The following ROR2 variants were observed in gnomAD, a reference collection of about 807,000 sequenced individuals.
ROR2 encodes the protein tyrosine-protein kinase transmembrane receptor ROR2.
Under a neutral mutation model 74.9 loss-of-function variants are expected in ROR2, and 33 were observed. That is an observed-to-expected ratio of 0.44 (90% CI 0.33 to 0.59). The LOEUF (loss-of-function observed/expected upper bound fraction) is 0.59. ROR2 is among the 20% of genes least tolerant of loss of function. The probability of loss-of-function intolerance (pLI) is 0.02; values close to 1 mark genes in which losing one functional copy is unlikely to be tolerated. For synonymous variants in ROR2, 586 were observed against 558.7 expected, an observed-to-expected ratio of 1.05 and a Z score of -0.69; for missense variants, 1,216 against 1,313.8, an observed-to-expected ratio of 0.93 and a Z score of 1.15.
chr9:91,774,112 TA>T (rs1289158585), intron 2 of ROR2, among the ~76,000 whole-genome samples: 1 of 152,218 alleles, frequency 6.6e-6, no homozygotes, highest in Non-Finnish European at 1.5e-5. Flanking sequence ...GTTGAGAATC[TA>T]ACCAACAAAA....
intron 5 of ROR2, among the ~76,000 whole-genome samples, chr9:91,736,263 C>G (rs1463038306): frequency 6.6e-6 from 1 of 152,154 alleles, no homozygotes; most frequent in Non-Finnish European, 1.5e-5. Flanking sequence ...GTCTCTGTAC[C>G]AGCACATGGG....
intron 1 of ROR2, among the ~76,000 whole-genome samples, chr9:91,777,364 C>T (rs1171803949): frequency 1.3e-5 from 2 of 150,608 alleles, no homozygotes; most frequent in African/African-American, 4.9e-5. Flanking sequence ...ATAAACAAAA[C>T]ATGGAAATAA....
intron 1 of ROR2, among the ~76,000 whole-genome samples, chr9:91,858,510 A>G (rs1829370736): frequency 6.6e-6 from 1 of 152,202 alleles, no homozygotes; most frequent in African/African-American, 2.4e-5. Context: ...GTCCTTAGAA[A>G]GGCAGAATCT....
At chr9:91,746,060 T>A (rs1019810970) in intron 4 of ROR2, among the ~76,000 whole-genome samples, 1 of 151,870 alleles carries the variant, frequency 6.6e-6, no homozygotes, top group Non-Finnish European at 1.5e-5. Context: ...GTGGCTTGGT[T>A]TTTTTGTTTG....
At chr9:91,921,965 A>AG (rs1831277756) in intron 1 of ROR2, among the ~76,000 whole-genome samples, 2 of 147,732 alleles carry the variant, frequency 1.4e-5, no homozygotes, top group African/African-American at 5.0e-5. Flanking sequence ...AAAAAAAAAA[A>AG]TACACAACTG....
At chr9:91,948,264 A>C (rs967012063) in intron 1 of ROR2, among the ~76,000 whole-genome samples, 37 of 152,184 alleles carry the variant, frequency 2.4e-4, no homozygotes, top group Middle Eastern at 3.2e-3. Context: ...TTTGTAGGAC[A>C]ATTAACCGCA....
At chr9:91,817,056 G>A (rs1427145316) in intron 1 of ROR2, among the ~76,000 whole-genome samples, 7 of 152,186 alleles carry the variant, frequency 4.6e-5, no homozygotes, top group African/African-American at 9.7e-5. Flanking sequence ...GAGACCCATG[G>A]GCTGTGGCTC....
chr9:91,745,192 C>G (rs1276345416), intron 4 of ROR2, among the ~76,000 whole-genome samples: 1 of 151,906 alleles, frequency 6.6e-6, no homozygotes, highest in Admixed American at 6.6e-5. Flanking sequence ...GTGGCGCGAT[C>G]TCGGCTCACT....
chr9:91,793,489 G>A (rs1362635746), intron 1 of ROR2, among the ~76,000 whole-genome samples: 1 of 152,024 alleles, frequency 6.6e-6, no homozygotes, highest in Non-Finnish European at 1.5e-5. Context: ...TCATTAATGA[G>A]AAAAAAGACT....
At chr9:91,760,645 A>G (rs1825888132) in intron 2 of ROR2, among the ~76,000 whole-genome samples, 3 of 151,902 alleles carry the variant, frequency 2.0e-5, no homozygotes, top group Non-Finnish European at 4.4e-5. Context: ...AAAAAAAAAA[A>G]AAAGAAAAGA....
intron 1 of ROR2, among the ~76,000 whole-genome samples, chr9:91,805,843 C>T (rs1365628898): frequency 2.6e-5 from 4 of 152,180 alleles, no homozygotes; most frequent in Non-Finnish European, 5.9e-5. Flanking sequence ...CACTGCCCTC[C>T]CCATGAGGGT....
At chr9:91,844,153 G>C (rs1828859575) in intron 1 of ROR2, among the ~76,000 whole-genome samples, 1 of 152,228 alleles carries the variant, frequency 6.6e-6, no homozygotes, top group African/African-American at 2.4e-5. Context: ...TCCTATTTCA[G>C]GGTGGAGGAA....
chr9:91,878,641 G>A (rs1001613824), intron 1 of ROR2, among the ~76,000 whole-genome samples: 1 of 152,244 alleles, frequency 6.6e-6, no homozygotes, highest in African/African-American at 2.4e-5. Context: ...CTTGGAGGCT[G>A]AAGCCAAACC....
At chr9:91,948,101 C>T (rs74699976) in intron 1 of ROR2, among the ~76,000 whole-genome samples, 1 of 152,108 alleles carries the variant, frequency 6.6e-6, no homozygotes, top group African/African-American at 2.4e-5. Flanking sequence ...GTTTAAATTC[C>T]TTCACCCAAA....
At chr9:91,848,750 G>A (rs915741852) in intron 1 of ROR2, among the ~76,000 whole-genome samples, 13 of 137,194 alleles carry the variant, frequency 9.5e-5, no homozygotes, top group South Asian at 2.4e-4. Context: ...GTGAGACTCC[G>A]TCTCAGGGGG....
intron 1 of ROR2, among the ~76,000 whole-genome samples, chr9:91,918,553 G>A (rs1401052235): frequency 2.6e-5 from 4 of 152,154 alleles, no homozygotes; most frequent in Non-Finnish European, 4.4e-5. Flanking sequence ...AGGTTGAAAC[G>A]GGCTTAAAGA....
chr9:91,902,155 G>A (rs1830692209), intron 1 of ROR2, among the ~76,000 whole-genome samples: 1 of 152,162 alleles, frequency 6.6e-6, no homozygotes, highest in African/African-American at 2.4e-5. Flanking sequence ...CATCTAAGTA[G>A]TCAACAAGTA....
intron 1 of ROR2, among the ~76,000 whole-genome samples, chr9:91,836,851 C>A (rs1173941828): frequency 6.6e-6 from 1 of 152,236 alleles, no homozygotes; most frequent in Non-Finnish European, 1.5e-5. Context: ...AGGTGCCAGG[C>A]AGGAACCCCT....
Position 91,757,381 on chromosome 9 carries a change from T to C in ROR2, c.354A>G (p.Ser118=), listed in dbSNP as rs758718201. ...RIIIRKTEYG[S]RLRIQDLDTT... ...TGTCCAGGTCCTGGATTCGCAGTCGTGAACCATATTCTGTCTTCCGGATGA... is the reference window on the plus strand; with the variant it reads ...TGTCCAGGTCCTGGATTCGCAGTCGCGAACCATATTCTGTCTTCCGGATGA... The change falls in exon 3 of 9, where the codon TCA becomes TCG. Residue 118 remains serine (S), a synonymous_variant. Coordinates refer to ENST00000375708, the MANE Select transcript of ROR2 (RefSeq NM_004560.4). 1.9e-6 allele frequency: 3 copies of C among 1,613,990 alleles called. No individual in the cohort carries two copies. The highest frequency in any genetic ancestry group is 2.5e-6 in the Non-Finnish European group (3 of 1,179,996).
Sources: allele counts gnomAD v4.1 joint callset (sites outside exome capture counted in the v4.1 genomes callset), GRCh38; gene constraint gnomAD v4.1.1; transcripts MANE v1.5; gene names NCBI Gene and HGNC (gene_info 2026-07-23, HGNC 2026-07-21).